Variants in SNX29 observed in about 807,000 individuals in gnomAD.
SNX29 encodes sorting nexin 29.
SNX29 carries 78 observed loss-of-function variants against 102.1 expected under a neutral mutation model. The observed-to-expected ratio is 0.76, with a 90% CI of 0.64 to 0.92. The LOEUF is 0.92. Ranked by LOEUF, SNX29 falls within the 40% of genes least tolerant of loss-of-function variation. The probability of loss-of-function intolerance (pLI) is 0.00; values close to 1 mark genes in which losing one functional copy is unlikely to be tolerated. For synonymous variants in SNX29, 580 were observed against 414.5 expected, an observed-to-expected ratio of 1.40 and a Z score of -4.85; for missense variants, 1,280 against 1,061.7, an observed-to-expected ratio of 1.21 and a Z score of -2.86.
intron 18 of SNX29, among the ~76,000 whole-genome samples, chr16:12,426,084 A>AT (rs530487278): frequency 5.6e-4 from 82 of 147,434 alleles, no homozygotes; most frequent in Admixed American, 6.8e-4. Flanking sequence ...TAGTTATCTT[A>AT]TTTTTTTTTT....
intron 13 of SNX29, among the ~76,000 whole-genome samples, chr16:12,151,530 C>T (rs1002427978): frequency 2.0e-5 from 3 of 152,188 alleles, no homozygotes; most frequent in Non-Finnish European, 4.4e-5. Context: ...TGACCGGGGC[C>T]TGCCTGCTTC....
chr16:12,361,148 G>A (rs993046199), intron 16 of SNX29, among the ~76,000 whole-genome samples: 12 of 152,202 alleles, frequency 7.9e-5, no homozygotes, highest in African/African-American at 2.9e-4. Flanking sequence ...GGGGATGGAG[G>A]CCTGGCTGTG....
intron 15 of SNX29, among the ~76,000 whole-genome samples, chr16:12,308,794 A>G (rs1475935240): frequency 6.6e-6 from 1 of 152,156 alleles, no homozygotes; most frequent in South Asian, 2.1e-4. Context: ...GGATTTATTT[A>G]TCTAATGAGC....
chr16:12,021,659 A>C (rs914194672), intron 3 of SNX29, among the ~76,000 whole-genome samples: 7 of 151,990 alleles, frequency 4.6e-5, no homozygotes, highest in Admixed American at 6.6e-5. Context: ...GGGCCAAGGT[A>C]GGCGGATCAC....
chr16:12,546,855 C>G (rs1437392188), intron 20 of SNX29, among the ~76,000 whole-genome samples: 1 of 152,174 alleles, frequency 6.6e-6, no homozygotes, highest in Non-Finnish European at 1.5e-5. Flanking sequence ...TATACAGTCA[C>G]CAGTAAGATC....
chr16:12,487,590 G>A (rs533661753), intron 19 of SNX29, among the ~76,000 whole-genome samples: 1 of 152,128 alleles, frequency 6.6e-6, no homozygotes, highest in Non-Finnish European at 1.5e-5. Flanking sequence ...AGCCGCACAC[G>A]TCCATGCCCA....
At chr16:12,447,398 T>C (rs916387521) in intron 18 of SNX29, among the ~76,000 whole-genome samples, 7 of 152,138 alleles carry the variant, frequency 4.6e-5, no homozygotes, top group Admixed American at 2.6e-4. Context: ...CTAAAAACTA[T>C]CCTGGTGTCC....
intron 19 of SNX29, among the ~76,000 whole-genome samples, chr16:12,481,144 G>A (rs1215044468): frequency 6.6e-6 from 1 of 152,094 alleles, no homozygotes; most frequent in South Asian, 2.1e-4. Context: ...TTTGCAAATA[G>A]ACAAGCTTGA....
intron 13 of SNX29, among the ~76,000 whole-genome samples, chr16:12,174,668 A>G (rs138054861): frequency 1.3e-5 from 2 of 152,316 alleles, no homozygotes; most frequent in Middle Eastern, 3.4e-3. Flanking sequence ...GAATTCTCAA[A>G]GCTTGTTCAA....
chr16:12,550,435 T>G (rs1430614191), intron 20 of SNX29, among the ~76,000 whole-genome samples: 16 of 151,008 alleles, frequency 1.1e-4, no homozygotes, highest in Admixed American at 9.9e-4. Flanking sequence ...CTTGGGAGGC[T>G]GAGGCAGGAG....
intron 15 of SNX29, among the ~76,000 whole-genome samples, chr16:12,309,711 T>C (rs541809599): frequency 2.6e-4 from 40 of 152,268 alleles, no homozygotes; most frequent in Non-Finnish European, 5.7e-4. Context: ...GAAGTGAATG[T>C]GTTCAACACT....
chr16:12,567,554 C>T (rs1200184955), intron 20 of SNX29, among the ~76,000 whole-genome samples: 1 of 152,014 alleles, frequency 6.6e-6, no homozygotes, highest in Non-Finnish European at 1.5e-5. Flanking sequence ...GGAGGCTGAG[C>T]AAGAGGATCA....
chr16:12,080,206 A>G (rs2051795703), intron 11 of SNX29, among the ~76,000 whole-genome samples: 1 of 152,082 alleles, frequency 6.6e-6, no homozygotes, highest in Non-Finnish European at 1.5e-5. Context: ...CAGAGGGGGC[A>G]ATTGTTCTTG....
chr16:12,292,377 A>G (rs1176584136), intron 15 of SNX29, among the ~76,000 whole-genome samples: 2 of 152,212 alleles, frequency 1.3e-5, no homozygotes, highest in East Asian at 3.8e-4. Flanking sequence ...AGGATTGGAA[A>G]GTTCTCCCTT....
intron 15 of SNX29, among the ~76,000 whole-genome samples, chr16:12,280,282 G>A (rs553443187): frequency 6.6e-6 from 1 of 152,216 alleles, no homozygotes; most frequent in African/African-American, 2.4e-5. Flanking sequence ...TGCTGTGGCT[G>A]TGTCCTGGCC....
chr16:12,131,192 A>G (rs2054452377), intron 13 of SNX29, among the ~76,000 whole-genome samples: 1 of 152,236 alleles, frequency 6.6e-6, no homozygotes, highest in Admixed American at 6.5e-5. Flanking sequence ...TGATAATGCC[A>G]GGGGTGGAAA....
Position 12,438,400 on chromosome 16 carries a change from C to T in SNX29, c.2037+34871C>T, listed in dbSNP as rs572582554. On this transcript the variant is annotated intron_variant, in intron 18 of 20. Coordinates refer to ENST00000566228, the MANE Select transcript of SNX29 (RefSeq NM_032167.5). ...TGTCCTTCTCCTTTCCCCCTTACCA[C>T]CCAGTTTACCTCTCCCCTTCTTCAT... 9.9e-5 allele frequency among the ~76,000 whole-genome samples: 15 copies of T among 152,276 alleles called. 1 individual carries two copies. In the South Asian group the frequency reaches 1.9e-3, roughly 19 times the overall value.
At chr16:12,014,923 C>T (rs550472713) in intron 3 of SNX29, among the ~76,000 whole-genome samples, 1 of 151,986 alleles carries the variant, frequency 6.6e-6, no homozygotes, top group Non-Finnish European at 1.5e-5. Flanking sequence ...TGTGAGTTAT[C>T]ACTGTTGCAA....
intron 3 of SNX29, among the ~76,000 whole-genome samples, chr16:12,006,067 T>A (rs577604193): frequency 1.3e-5 from 2 of 152,086 alleles, no homozygotes; most frequent in African/African-American, 4.8e-5. Context: ...GGCCAGGCGC[T>A]GTGGCTCATG....
Sources: allele counts gnomAD v4.1 joint callset (sites outside exome capture counted in the v4.1 genomes callset), GRCh38; gene constraint gnomAD v4.1.1; transcripts MANE v1.5; gene names NCBI Gene and HGNC (gene_info 2026-07-23, HGNC 2026-07-21).